The following CSDE1 variants were observed in gnomAD, a reference collection of about 807,000 sequenced individuals.
CSDE1 encodes cold shock domain-containing protein E1.
In CSDE1, 17 loss-of-function variants were observed where a neutral mutation model predicts 89.3. That is an observed-to-expected ratio of 0.19 (90% CI 0.13 to 0.29). The LOEUF (loss-of-function observed/expected upper bound fraction) is 0.29. CSDE1 is among the 10% of genes least tolerant of loss of function. CSDE1 has a pLI of 1.00. For synonymous variants in CSDE1, 322 were observed against 332.8 expected (o/e 0.97, Z 0.35); for missense variants, 672 against 984.2 (o/e 0.68, Z 4.24).
Position 114,737,979 on chromosome 1 carries a change from T to A in CSDE1, c.293A>T (p.Glu98Val). ...GTCACTAACTTGTCCATTCATTCGTTCTTCAGGGAGGATTTCTTGTTTTAT... is the reference window on the plus strand; with the variant it reads ...GTCACTAACTTGTCCATTCATTCGTACTTCAGGGAGGATTTCTTGTTTTAT... ...VKIKQEILPE[E>V]RMNGQVVCAV... Residue 98 changes from glutamate to valine, a missense_variant, in exon 4 of 20, where the codon GAA becomes GTA. Around this residue, in one of 8 missense-constraint regions of CSDE1, gnomAD observed 124 missense variants for 138.7 expected, o/e 0.89. Coordinates refer to ENST00000358528, the MANE Select transcript of CSDE1 (RefSeq NM_001007553.3). 1 of 1,612,920 alleles carries A rather than the reference T, an allele frequency of 6.2e-7. No individual in the cohort carries two copies. The highest frequency in any genetic ancestry group is 8.5e-7 in the Non-Finnish European group (1 of 1,178,866).
Position 114,736,750 on chromosome 1 carries a change from G to A in CSDE1, c.500+8C>T. 1 of 1,560,526 alleles carries A rather than the reference G, an allele frequency of 6.4e-7. No individual in the cohort carries two copies. Among genetic ancestry groups the A allele is most frequent in the Non-Finnish European group, 8.7e-7 (1 of 1,143,108 alleles). ...TTAGGTGAGAAAATTTAAAAAAAAA[G>A]AACTTACTGTTTATTGTTATCAATT... is the stretch of plus-strand genomic sequence containing the variant. On this transcript the variant is annotated splice_region_variant and intron_variant, in intron 6 of 19. Coordinates refer to ENST00000358528, the MANE Select transcript of CSDE1 (RefSeq NM_001007553.3).
chr1:114,746,803 C>T (rs1661035923), intron 2 of CSDE1: 1 of 152,168 alleles, frequency 6.6e-6, no homozygotes, highest in African/African-American at 2.4e-5. Context: ...GTTATTTATT[C>T]ACTGGCTCTG....
intron 17 of CSDE1, chr1:114,720,119 TTC>T (rs1313091881): frequency 4.7e-6 from 1 of 212,250 alleles, no homozygotes. Context: ...ATGAAAAACA[TTC>T]TGAGGACTCA....
chr1:114,751,818 G>T (rs938479459), intron 1 of CSDE1, among the ~76,000 whole-genome samples: 1 of 152,052 alleles, frequency 6.6e-6, no homozygotes, highest in African/African-American at 2.4e-5. Context: ...ACCCAATGTT[G>T]CAAGTTGTGT....
chr1:114,743,067 T>C (rs527873615), intron 2 of CSDE1, among the ~76,000 whole-genome samples: 1 of 152,364 alleles, frequency 6.6e-6, no homozygotes, highest in South Asian at 2.1e-4. Context: ...ACAAGCAGTA[T>C]AAAATTAACT....
intron 12 of CSDE1, among the ~76,000 whole-genome samples, chr1:114,728,115 T>C (rs1463439472): frequency 6.6e-6 from 1 of 152,228 alleles, no homozygotes; most frequent in Non-Finnish European, 1.5e-5. Context: ...TTATGTATTA[T>C]CAAATTAATC....
At chr1:114,741,181 C>A (rs1421700625) in intron 2 of CSDE1, among the ~76,000 whole-genome samples, 3 of 152,100 alleles carry the variant, frequency 2.0e-5, no homozygotes. Context: ...AAATGACTTG[C>A]CAAAGTCAAA....
At chr1:114,745,385 G>T (rs1660961960) in intron 2 of CSDE1, among the ~76,000 whole-genome samples, 1 of 152,264 alleles carries the variant, frequency 6.6e-6, no homozygotes, top group South Asian at 2.1e-4. Context: ...GTGGTCATTG[G>T]AAACAATATG....
intron 2 of CSDE1, among the ~76,000 whole-genome samples, chr1:114,740,977 G>T (rs1255872863): frequency 1.3e-5 from 2 of 152,200 alleles, no homozygotes; most frequent in Non-Finnish European, 2.9e-5. Flanking sequence ...CAAAGTTTGA[G>T]TCAACGATAT....
At chr1:114,729,418 G>A (rs752771431) in intron 12 of CSDE1, among the ~76,000 whole-genome samples, 2 of 150,426 alleles carry the variant, frequency 1.3e-5, no homozygotes, top group Non-Finnish European at 2.9e-5. Flanking sequence ...AAATTCTTTA[G>A]AGCAGCAATC....
intron 1 of CSDE1, among the ~76,000 whole-genome samples, chr1:114,755,061 T>C (rs1661517098): frequency 6.6e-6 from 1 of 152,242 alleles, no homozygotes; most frequent in African/African-American, 2.4e-5. Flanking sequence ...TAACCAATTA[T>C]ATCCAAAATG....
chr1:114,718,974 C>G (rs915070208), intron 18 of CSDE1: 6 of 524,990 alleles, frequency 1.1e-5, no homozygotes, highest in African/African-American at 1.9e-5. Flanking sequence ...TTTGCAGACC[C>G]TAGACTTGAA....
At chr1:114,738,661 C>CATTTTTTTTT (rs1660540748) in intron 3 of CSDE1, among the ~76,000 whole-genome samples, 1 of 80,026 alleles carries the variant, frequency 1.2e-5, no homozygotes. Flanking sequence ...CATGTAAAAA[C>CATTTTTTTTT]TTTTTTTTTT....
chr1:114,746,643 C>G (rs1321491082), intron 2 of CSDE1: 1 of 152,158 alleles, frequency 6.6e-6, no homozygotes, highest in Non-Finnish European at 1.5e-5. Context: ...ACTCACAGAA[C>G]TACTCATTAG....
At chr1:114,747,343 C>A (rs1196878168) in intron 2 of CSDE1, among the ~76,000 whole-genome samples, 1 of 152,122 alleles carries the variant, frequency 6.6e-6, no homozygotes, top group African/African-American at 2.4e-5. Context: ...TGAACTATTT[C>A]ACAACTGTAC....
At position 114,750,600 on chromosome 1, in the gene CSDE1, AAC is replaced by A. The variant is rs1416290884; in HGVS notation, c.-387-395_-387-394del. On this transcript the variant is annotated intron_variant, in intron 1 of 19. Transcript: ENST00000358528. ...ACAAGATGTAAACATGGAAAAAAAA[AAC>A]AGAGTATAGGACAAAAATGCCAAAA... 4.6e-5 allele frequency among the ~76,000 whole-genome samples: 7 copies of A among 152,218 alleles called. No homozygotes were observed. In the East Asian group the frequency reaches 5.8e-4, roughly 13 times the overall value.
In CSDE1 at chr1:114,718,240, C is replaced by A. The variant is rs764762466; in HGVS notation, c.2350-24G>T. On this transcript the variant is annotated intron_variant, in intron 19 of 19. Coordinates refer to ENST00000358528, the MANE Select transcript of CSDE1 (RefSeq NM_001007553.3). Reference sequence around the variant, plus strand: ...CCCTGTGGGGGGGAGAAAAAAAAAACCCTGCAGTTAATGATTTGAGCGCAC... The same window carrying A: ...CCCTGTGGGGGGGAGAAAAAAAAAAACCTGCAGTTAATGATTTGAGCGCAC... The A allele has an allele frequency of 4.5e-4, 719 of 1,598,928 alleles. 1 individual carries two copies. The highest frequency in any genetic ancestry group is 5.9e-4 in the Non-Finnish European group (693 of 1,172,116).
chr1:114,754,545 C>G (rs1159129291), intron 1 of CSDE1, among the ~76,000 whole-genome samples: 1 of 152,208 alleles, frequency 6.6e-6, no homozygotes, highest in Non-Finnish European at 1.5e-5. Flanking sequence ...TAGGCAGTAT[C>G]TTCTTTTAGG....
chr1:114,720,804 A>T, intron 16 of CSDE1, 87 bp from the exon 17 acceptor site: 1 of 1,130,426 alleles, frequency 8.8e-7, no homozygotes. Flanking sequence ...ACTGCTAAAA[A>T]TGTGTTATGT....
Sources: allele counts gnomAD v4.1 joint callset (sites outside exome capture counted in the v4.1 genomes callset), GRCh38; gene constraint gnomAD v4.1.1; regional missense constraint gnomAD v4.1.1; transcripts MANE v1.5; gene names NCBI Gene and HGNC (gene_info 2026-07-23, HGNC 2026-07-21).